The following CADM2 variants were observed in gnomAD, a reference collection of about 807,000 sequenced individuals.
CADM2 encodes cell adhesion molecule 2.
CADM2 carries 12 observed loss-of-function variants against 49.8 expected under a neutral mutation model. The observed-to-expected ratio is 0.24, with a 90% CI of 0.15 to 0.39. The LOEUF (loss-of-function observed/expected upper bound fraction) is 0.39, where lower values mean the gene tolerates loss of function less well. CADM2 is among the 10% of genes least tolerant of loss of function. The pLI, the probability that CADM2 is intolerant of heterozygous loss-of-function variation, is 1.00. For synonymous variants in CADM2, 214 were observed against 175.4 expected (o/e 1.22, Z -1.74); for missense variants, 378 against 492.3 (o/e 0.77, Z 2.20).
At chr3:85,977,104 G>A (rs961718372) in intron 8 of CADM2, among the ~76,000 whole-genome samples, 3 of 150,558 alleles carry the variant, frequency 2.0e-5, no homozygotes, top group Non-Finnish European at 3.0e-5. Context: ...GGCAAGGTTG[G>A]GGGGACTCCA....
chr3:85,982,985 T>C (rs1052994622), intron 8 of CADM2, among the ~76,000 whole-genome samples: 3 of 151,714 alleles, frequency 2.0e-5, no homozygotes, highest in African/African-American at 7.2e-5. Flanking sequence ...TTTCATAAAC[T>C]ATAGCATTTA....
intron 1 of CADM2, among the ~76,000 whole-genome samples, chr3:85,508,992 T>G (rs1302514295): frequency 1.3e-5 from 2 of 152,176 alleles, no homozygotes; most frequent in African/African-American, 4.8e-5. Flanking sequence ...TCTGTGAATA[T>G]ATTAAATCAT....
intron 1 of CADM2, among the ~76,000 whole-genome samples, chr3:85,038,621 T>G (rs927832431): frequency 6.6e-6 from 1 of 152,192 alleles, no homozygotes; most frequent in Non-Finnish European, 1.5e-5. Flanking sequence ...ATTTATACAT[T>G]CCTGAACTCA....
intron 1 of CADM2, among the ~76,000 whole-genome samples, chr3:85,210,986 A>T (rs370953123): frequency 2.0e-5 from 3 of 152,066 alleles, no homozygotes; most frequent in South Asian, 2.1e-4. Context: ...TCAAGTTGTG[A>T]ATTTCTTCAT....
intron 1 of CADM2, among the ~76,000 whole-genome samples, chr3:85,095,682 A>T (rs2037768661): frequency 6.6e-6 from 1 of 152,148 alleles, no homozygotes; most frequent in Admixed American, 6.6e-5. Context: ...TTTGGCCCAA[A>T]CATTTTGTTT....
intron 8 of CADM2, among the ~76,000 whole-genome samples, chr3:85,980,383 T>TCAGAAAA (rs1727332402): frequency 6.6e-6 from 1 of 151,550 alleles, no homozygotes; most frequent in Admixed American, 6.6e-5. Context: ...ACAGTTATAA[T>TCAGAAAA]AGTCTTTGTT....
At chr3:85,699,300 G>C (rs755938854) in intron 1 of CADM2, among the ~76,000 whole-genome samples, 7 of 152,126 alleles carry the variant, frequency 4.6e-5, no homozygotes, top group Non-Finnish European at 8.8e-5. Context: ...AGGACCTGGA[G>C]GATGGCGGCC....
intron 1 of CADM2, among the ~76,000 whole-genome samples, chr3:85,092,044 A>T (rs1575844426): frequency 6.6e-6 from 1 of 152,122 alleles, no homozygotes; most frequent in Non-Finnish European, 1.5e-5. Flanking sequence ...TTTTTGTTTT[A>T]ATTTTGTTTA....
chr3:85,450,809 T>A (rs1166909882), intron 1 of CADM2, among the ~76,000 whole-genome samples: 1 of 152,018 alleles, frequency 6.6e-6, no homozygotes, highest in Non-Finnish European at 1.5e-5. Context: ...TTGAAATTTG[T>A]CTAACCAGAA....
chr3:85,346,459 CAT>C (rs993734709), intron 1 of CADM2, among the ~76,000 whole-genome samples: 1 of 152,020 alleles, frequency 6.6e-6, no homozygotes, highest in African/African-American at 2.4e-5. Context: ...TTTAATAGCA[CAT>C]GTGATCAGAT....
intron 2 of CADM2, among the ~76,000 whole-genome samples, chr3:85,727,633 A>C (rs980557018): frequency 6.6e-6 from 1 of 152,172 alleles, no homozygotes; most frequent in African/African-American, 2.4e-5. Flanking sequence ...TAAGCACAAT[A>C]TGTTTATATA....
chr3:85,566,243 A>G (rs2062250707), intron 1 of CADM2, among the ~76,000 whole-genome samples: 1 of 152,162 alleles, frequency 6.6e-6, no homozygotes, highest in Admixed American at 6.6e-5. Flanking sequence ...TGATAGCATT[A>G]ATACCTAAAG....
intron 1 of CADM2, among the ~76,000 whole-genome samples, chr3:85,635,827 C>T (rs1487187489): frequency 6.6e-6 from 1 of 151,932 alleles, no homozygotes; most frequent in Non-Finnish European, 1.5e-5. Flanking sequence ...ATATTTCAGC[C>T]AATGATGGAC....
intron 1 of CADM2, among the ~76,000 whole-genome samples, chr3:85,464,036 G>A (rs991593410): frequency 1.6e-4 from 25 of 152,054 alleles, no homozygotes; most frequent in Non-Finnish European, 3.4e-4. Flanking sequence ...TTCTCTCCAT[G>A]ATGCAGTATG....
chr3:85,965,644 A>G (rs906106925), intron 8 of CADM2, among the ~76,000 whole-genome samples: 1 of 151,612 alleles, frequency 6.6e-6, no homozygotes, highest in African/African-American at 2.4e-5. Flanking sequence ...CACATTGACC[A>G]TGTACAAAGC....
intron 8 of CADM2, among the ~76,000 whole-genome samples, chr3:86,000,328 G>C (rs1249789248): frequency 6.6e-6 from 1 of 152,116 alleles, no homozygotes; most frequent in Non-Finnish European, 1.5e-5. Context: ...ATGAAAAAGA[G>C]GGCTTAGTAG....
intron 1 of CADM2, among the ~76,000 whole-genome samples, chr3:85,077,914 C>T (rs937106970): frequency 1.3e-5 from 2 of 151,902 alleles, no homozygotes; most frequent in East Asian, 1.9e-4. Context: ...CTTACTATTG[C>T]GTAGGATTAA....
chr3:85,283,217 T>G (rs2043548523), intron 1 of CADM2, among the ~76,000 whole-genome samples: 1 of 151,992 alleles, frequency 6.6e-6, no homozygotes, highest in African/African-American at 2.4e-5. Flanking sequence ...ATTAACAATT[T>G]GAAATTACAA....
chr3:85,088,605 T>C (rs2037474569), intron 1 of CADM2, among the ~76,000 whole-genome samples: 1 of 152,078 alleles, frequency 6.6e-6, no homozygotes, highest in Non-Finnish European at 1.5e-5. Context: ...TGCAAGCAGG[T>C]CTTTATTTGG....
Sources: gnomAD v4.1 joint callset for allele counts (sites outside exome capture counted in the v4.1 genomes callset) on GRCh38, gnomAD v4.1.1 for gene constraint, MANE v1.5 for transcripts, NCBI Gene and HGNC (gene_info 2026-07-23, HGNC 2026-07-21) for gene names.